DCAF8L2: variants seen among roughly 807,000 people sequenced by gnomAD.
The protein encoded by DCAF8L2 is DDB1- and CUL4-associated factor 8-like protein 2.
For synonymous variants in DCAF8L2, 200 were observed against 190.9 expected (o/e 1.05, Z -0.39); for missense variants, 430 against 490.7 (o/e 0.88, Z 1.17).
the DCAF8L2 span, among the ~76,000 whole-genome samples, chrX:27,579,009 T>A: frequency 9.0e-6 from 1 of 111,617 alleles, no homozygotes; most frequent in Non-Finnish European, 1.9e-5. Flanking sequence ...GATTCCTCAA[T>A]GACCTAGAAC....
At chrX:27,745,879 TAA>T (rs1176428982) in intron 4 of DCAF8L2, among the ~76,000 whole-genome samples, 2 of 112,161 alleles carry the variant, frequency 1.8e-5, no homozygotes, top group Non-Finnish European at 3.8e-5. Flanking sequence ...GGGTGATATG[TAA>T]AAGACTTTAT....
the DCAF8L2 span, among the ~76,000 whole-genome samples, chrX:27,533,164 G>GAGAGAGAA: frequency 4.6e-4 from 8 of 17,349 alleles, no homozygotes; most frequent in Non-Finnish European, 6.8e-4. Context: ...GAGAGAGAGA[G>GAGAGAGAA]AGAAAGAAAG....
Position 27,749,450 on chromosome X carries a change from T to A in DCAF8L2, c.*659T>A, listed in dbSNP as rs1382489820. On this transcript the variant is annotated 3_prime_UTR_variant, in exon 5 of 5. Coordinates refer to ENST00000451261, the MANE Select transcript of DCAF8L2 (RefSeq NM_001353450.2). ...TGTAGATTAATTCCTAACCAGATAA[T>A]TCATCTCCTTAGAATAAATAACGTG... is the stretch of plus-strand genomic sequence containing the variant. 6.2e-5 allele frequency among the ~76,000 whole-genome samples: 7 copies of A among 112,109 alleles called. No individual in the cohort carries two copies. The highest frequency in any genetic ancestry group is 1.3e-4 in the Non-Finnish European group (7 of 53,290).
the DCAF8L2 span, among the ~76,000 whole-genome samples, chrX:27,491,794 G>A: frequency 1.8e-5 from 2 of 110,295 alleles, no homozygotes; most frequent in Non-Finnish European, 3.8e-5. Flanking sequence ...TTCTGATATC[G>A]ACTTTCTACC....
intron 1 of DCAF8L2, among the ~76,000 whole-genome samples, chrX:27,621,863 A>T (rs1270147334): frequency 9.1e-6 from 1 of 110,250 alleles, no homozygotes; most frequent in Non-Finnish European, 1.9e-5. Context: ...ATGCGGTGTC[A>T]GATGCCTGTA....
chrX:27,489,153 A>G, the DCAF8L2 span, among the ~76,000 whole-genome samples: 1 of 112,109 alleles, frequency 8.9e-6, no homozygotes, highest in East Asian at 2.8e-4. Flanking sequence ...GCTGGAGTGC[A>G]GTGGCATGAT....
the DCAF8L2 span, among the ~76,000 whole-genome samples, chrX:27,530,343 T>A: frequency 9.0e-6 from 1 of 110,550 alleles, no homozygotes; most frequent in Non-Finnish European, 1.9e-5. Flanking sequence ...GATTGCTGTA[T>A]ACTCCCCCCC....
intron 2 of DCAF8L2, among the ~76,000 whole-genome samples, chrX:27,641,932 G>A (rs1217984222): frequency 9.2e-6 from 1 of 108,359 alleles, no homozygotes; most frequent in Admixed American, 9.9e-5. Flanking sequence ...TCTGTCGCCC[G>A]TGCTGGAGTG....
chrX:27,735,232 A>C (rs1239882903), intron 4 of DCAF8L2, among the ~76,000 whole-genome samples: 1 of 112,160 alleles, frequency 8.9e-6, no homozygotes, highest in East Asian at 2.8e-4. Flanking sequence ...TTAGGCTTGC[A>C]GAGTAGATTG....
At chrX:27,719,521 T>G (rs1297095092) in intron 4 of DCAF8L2, among the ~76,000 whole-genome samples, 3 of 103,690 alleles carry the variant, frequency 2.9e-5, no homozygotes, top group African/African-American at 1.1e-4. Context: ...CTTGGCTCAC[T>G]GAAACCTCCG....
At chrX:27,483,521 A>T in the DCAF8L2 span, among the ~76,000 whole-genome samples, 19 of 111,386 alleles carry the variant, frequency 1.7e-4, no homozygotes, top group African/African-American at 5.9e-4. Context: ...TTAGTTGAAA[A>T]ATTAATCTTT....
chrX:27,552,708 A>G, the DCAF8L2 span, among the ~76,000 whole-genome samples: 2 of 111,381 alleles, frequency 1.8e-5, no homozygotes, highest in African/African-American at 6.5e-5. Context: ...GCTTTGTATT[A>G]TATTTTGTAG....
the DCAF8L2 span, among the ~76,000 whole-genome samples, chrX:27,471,894 T>C: frequency 9.1e-6 from 1 of 110,291 alleles, no homozygotes; most frequent in Non-Finnish European, 1.9e-5. Flanking sequence ...TTTCTTATAG[T>C]GGAAACATTT....
chrX:27,719,447 A>AT (rs11292943), intron 4 of DCAF8L2, among the ~76,000 whole-genome samples: 8 of 49,076 alleles, frequency 1.6e-4, no homozygotes, highest in Admixed American at 2.6e-4. Context: ...TACCCATTTA[A>AT]TTTTTTTTTT....
chrX:27,645,837 A>T (rs1928917774), intron 2 of DCAF8L2, among the ~76,000 whole-genome samples: 1 of 111,023 alleles, frequency 9.0e-6, no homozygotes, highest in Non-Finnish European at 1.9e-5. Context: ...AGAATAAAAC[A>T]CCTAGGAACG....
At chrX:27,743,208 TC>T (rs200166144) in intron 4 of DCAF8L2, among the ~76,000 whole-genome samples, 2,716 of 109,423 alleles carry the variant, frequency 0.025, 84 homozygotes, top group African/African-American at 0.085. Context: ...TGTCTCAGCC[TC>T]CCGGGTAGCT....
chrX:27,674,275 T>C lies in DCAF8L2; in HGVS notation c.-219-3561T>C, dbSNP rs112002145. Among the ~76,000 whole-genome samples, 1,004 of 111,871 alleles carry C rather than the reference T, an allele frequency of 9.0e-3. 8 individuals are homozygous for C. The highest frequency in any genetic ancestry group is 0.031 in the African/African-American group (961 of 30,853). ...TGTGAAAGTGTGTATGAGTGTAACT[T>C]ATTACATTTCCAAAATAAATACTGA... On this transcript the variant is annotated intron_variant, in intron 2 of 4. Transcript: ENST00000451261.
At chrX:27,561,631 C>A in the DCAF8L2 span, among the ~76,000 whole-genome samples, 5 of 111,453 alleles carry the variant, frequency 4.5e-5, no homozygotes, top group Non-Finnish European at 9.4e-5. Flanking sequence ...AGCTTTCTAT[C>A]TCTATGAATA....
chrX:27,697,130 A>G (rs1298580539), intron 3 of DCAF8L2, among the ~76,000 whole-genome samples: 1 of 111,031 alleles, frequency 9.0e-6, no homozygotes, highest in African/African-American at 3.3e-5. Context: ...TCAGGCAAAA[A>G]TTTTCCGCAA....
Sources: allele counts gnomAD v4.1 joint callset (sites outside exome capture counted in the v4.1 genomes callset), GRCh38; gene constraint gnomAD v4.1.1; transcripts MANE v1.5; gene names NCBI Gene and HGNC (gene_info 2026-07-23, HGNC 2026-07-21).